LNPEP: variants seen among roughly 807,000 people sequenced by gnomAD.
The protein encoded by LNPEP is leucyl-cystinyl aminopeptidase.
Under a neutral mutation model 120.6 loss-of-function variants are expected in LNPEP, and 64 were observed. That is an observed-to-expected ratio of 0.53 (90% CI 0.43 to 0.65). The LOEUF is 0.65. LNPEP is among the 30% of genes least tolerant of loss of function. The pLI, the probability that LNPEP is intolerant of heterozygous loss-of-function variation, is 0.00. For missense variants in LNPEP, 1,057 were observed against 1,200.0 expected (o/e 0.88, Z 1.76); for synonymous variants, 435 against 425.4 (o/e 1.02, Z -0.28).
At chr5:96,945,956 T>G (rs1204033157) in intron 1 of LNPEP, among the ~76,000 whole-genome samples, 1 of 152,184 alleles carries the variant, frequency 6.6e-6, no homozygotes. Context: ...ATTGGTAAAG[T>G]GCTTTGAAGA....
At chr5:96,941,868 G>A (rs1224116673) in intron 1 of LNPEP, among the ~76,000 whole-genome samples, 4 of 152,216 alleles carry the variant, frequency 2.6e-5, no homozygotes, top group Non-Finnish European at 1.5e-5. Flanking sequence ...GAGATTGGGG[G>A]TAAAGGAAGA....
intron 16 of LNPEP, among the ~76,000 whole-genome samples, chr5:97,027,368 A>G (rs1057251630): frequency 1.4e-4 from 22 of 152,162 alleles, no homozygotes; most frequent in African/African-American, 5.3e-4. Flanking sequence ...AAAAAAACAA[A>G]AAGGAAAATA....
chr5:96,975,060 C>T (rs1184451851), intron 1 of LNPEP, among the ~76,000 whole-genome samples: 1 of 152,118 alleles, frequency 6.6e-6, no homozygotes, highest in Admixed American at 6.5e-5. Context: ...ACCCACGTAA[C>T]ATAATCCTTT....
chr5:96,946,535 C>A (rs1011503178), intron 1 of LNPEP, among the ~76,000 whole-genome samples: 1 of 152,112 alleles, frequency 6.6e-6, no homozygotes, highest in Non-Finnish European at 1.5e-5. Flanking sequence ...AATATTATTG[C>A]GATAAAGACT....
At chr5:97,011,884 G>A (rs1416121675) in intron 11 of LNPEP, among the ~76,000 whole-genome samples, 3 of 152,068 alleles carry the variant, frequency 2.0e-5, no homozygotes, top group Non-Finnish European at 4.4e-5. Flanking sequence ...TTGCAGTATC[G>A]ATATAATTGG....
At chr5:96,977,959 A>G (rs1790041757) in intron 1 of LNPEP, among the ~76,000 whole-genome samples, 1 of 152,122 alleles carries the variant, frequency 6.6e-6, no homozygotes, top group South Asian at 2.1e-4. Context: ...TTTATGACTA[A>G]ATAGCTGTGT....
intron 1 of LNPEP, among the ~76,000 whole-genome samples, chr5:96,971,589 C>T (rs1051546802): frequency 6.6e-6 from 1 of 151,960 alleles, no homozygotes; most frequent in African/African-American, 2.4e-5. Context: ...TTTCTTCAAT[C>T]CTTTGTCTCA....
intron 7 of LNPEP, among the ~76,000 whole-genome samples, chr5:96,997,459 C>A (rs1304715745): frequency 2.0e-5 from 3 of 151,940 alleles, no homozygotes; most frequent in Non-Finnish European, 4.4e-5. Context: ...CTTGGTGGTG[C>A]CCAGAATGTG....
In LNPEP at chr5:97,003,524, A is replaced by G. The variant is rs1346653295; in HGVS notation, c.1763A>G (p.Asp588Gly). The G allele has an allele frequency of 3.1e-6, 5 of 1,602,952 alleles. No homozygotes were observed. The highest frequency in any genetic ancestry group is 4.3e-6 in the Non-Finnish European group (5 of 1,174,926). ...AGCTATGCATCTATTCAAAGTGATG[A>G]TCTGTGGGATAGTTTTAATGAGGTA... is the stretch of plus-strand genomic sequence containing the variant. ...NHSYASIQSDDLWDSFNEVTN... is the reference protein window; with the variant it reads ...NHSYASIQSDGLWDSFNEVTN... Residue 588 changes from aspartate to glycine, a missense_variant, in exon 9 of 18, where the codon GAT becomes GGT. Transcript: ENST00000231368.
Position 96,979,963 on chromosome 5 carries a change from A to C in LNPEP, c.845A>C (p.Glu282Ala), listed in dbSNP as rs1222336802. ...YGFYGFSYTD[E>A]SNEKKYFAAT... ...TTTTATGGCTTCTCCTACACAGATG[A>C]AAGTAATGAGAAAAAGTAGGTAGCC... The change falls in exon 2 of 18, where the codon GAA (glutamate) becomes GCA (alanine). Residue 282 changes from glutamate (E) to alanine (A), a missense_variant. Physicochemically the swap from Glu to Ala is moderately radical, Grantham distance 107. Transcript: ENST00000231368. The C allele has an allele frequency of 1.9e-6, 3 of 1,585,682 alleles. No homozygotes were observed. Among genetic ancestry groups the C allele is most frequent in the Non-Finnish European group, 2.6e-6 (3 of 1,163,754 alleles).
intron 11 of LNPEP, among the ~76,000 whole-genome samples, chr5:97,012,741 G>T (rs1265060722): frequency 2.6e-5 from 4 of 152,114 alleles, no homozygotes; most frequent in Non-Finnish European, 5.9e-5. Flanking sequence ...TTTGTGGTCA[G>T]TTAACTCTCA....
chr5:97,017,158 T>A (rs1278680597), intron 13 of LNPEP, among the ~76,000 whole-genome samples: 2 of 152,146 alleles, frequency 1.3e-5, no homozygotes, highest in South Asian at 2.1e-4. Context: ...ACTAAATCTT[T>A]TTTATTTTAG....
chr5:96,954,035 T>G (rs904604160), intron 1 of LNPEP, among the ~76,000 whole-genome samples: 7 of 152,266 alleles, frequency 4.6e-5, no homozygotes, highest in African/African-American at 1.7e-4. Context: ...TGTATTAATC[T>G]GTCCACAGCA....
At chr5:96,969,069 A>G (rs984301216) in intron 1 of LNPEP, among the ~76,000 whole-genome samples, 20 of 152,110 alleles carry the variant, frequency 1.3e-4, no homozygotes, top group African/African-American at 4.8e-4. Flanking sequence ...CAGAATTGTG[A>G]TTACCTCAAA....
chr5:96,971,156 G>T (rs538880142), intron 1 of LNPEP, among the ~76,000 whole-genome samples: 50 of 152,052 alleles, frequency 3.3e-4, no homozygotes, highest in Middle Eastern at 6.8e-3. Context: ...GTTGAGTTTA[G>T]AATTTTCTTT....
intron 4 of LNPEP, among the ~76,000 whole-genome samples, chr5:96,989,231 G>A (rs1582007902): frequency 6.9e-6 from 1 of 144,046 alleles, no homozygotes. Context: ...ATATATATAT[G>A]TGTGTGTGTA....
chr5:97,027,613 G>A, intron 16 of LNPEP, 120 bp from the exon 17 acceptor site: 1 of 641,328 alleles, frequency 1.6e-6, no homozygotes, highest in South Asian at 2.0e-5. Flanking sequence ...TTCCTCAGTT[G>A]CAGTTCCGGG....
At chr5:96,988,341 T>TTTC (rs1443566623) in intron 4 of LNPEP, among the ~76,000 whole-genome samples, 43 of 144,222 alleles carry the variant, frequency 3.0e-4, no homozygotes, top group Middle Eastern at 3.5e-3. Context: ...TTTCTTTTCT[T>TTTC]TTTTTTTTTT....
At chr5:96,973,287 T>C (rs1789912148) in intron 1 of LNPEP, among the ~76,000 whole-genome samples, 2 of 151,550 alleles carry the variant, frequency 1.3e-5, no homozygotes, top group Admixed American at 1.3e-4. Flanking sequence ...AAAAATCACC[T>C]TTTTTTTGTT....
Sources: allele counts gnomAD v4.1 joint callset (sites outside exome capture counted in the v4.1 genomes callset), GRCh38; gene constraint gnomAD v4.1.1; transcripts MANE v1.5; gene names NCBI Gene and HGNC (gene_info 2026-07-23, HGNC 2026-07-21).